SOX6: variants seen among roughly 807,000 people sequenced by gnomAD.
SOX6 encodes the protein transcription factor SOX-6.
In SOX6, 11 loss-of-function variants were observed where a neutral mutation model predicts 97.8. The ratio of observed to expected loss-of-function variants is 0.11; its 90% confidence interval spans 0.07 to 0.19. SOX6 has a LOEUF of 0.19. Ranked by LOEUF, SOX6 falls within the 10% of genes least tolerant of loss-of-function variation. SOX6 has a pLI of 1.00. For missense variants in SOX6, 810 were observed against 1,039.5 expected (o/e 0.78, Z 3.04); for synonymous variants, 360 against 371.4 (o/e 0.97, Z 0.35).
intron 2 of SOX6, among the ~76,000 whole-genome samples, chr11:16,724,577 G>A (rs1848292408): frequency 6.6e-6 from 1 of 152,078 alleles, no homozygotes; most frequent in South Asian, 2.1e-4. Flanking sequence ...GAACTCATCA[G>A]AGACCTACTA....
chr11:16,656,706 T>C (rs1847721032), intron 3 of SOX6, among the ~76,000 whole-genome samples: 1 of 152,230 alleles, frequency 6.6e-6, no homozygotes, highest in Admixed American at 6.5e-5. Context: ...TTTTGTACTA[T>C]ATATCTGTTT....
intron 3 of SOX6, among the ~76,000 whole-genome samples, chr11:16,683,553 T>C (rs2134031404): frequency 6.6e-6 from 1 of 152,270 alleles, no homozygotes; most frequent in South Asian, 2.1e-4. Context: ...TGAAACTGGA[T>C]CCCTTCCTTG....
rs117683752 is a variant in SOX6, at chr11:16,047,264, G to A, written c.1436-563C>T. Among the ~76,000 whole-genome samples, 32 of 152,174 alleles carry A rather than the reference G, an allele frequency of 2.1e-4. 1 individual carries two copies. Among genetic ancestry groups the A allele is most frequent in the South Asian group, 1.2e-3 (6 of 4,824 alleles). Reference sequence around the variant, plus strand: ...AAAGAGGGGGCGGAAGGAATTCACCGTACTCTCCAGTACCCCAGTTGCTGG... The same window carrying A: ...AAAGAGGGGGCGGAAGGAATTCACCATACTCTCCAGTACCCCAGTTGCTGG... On this transcript the variant is annotated intron_variant, in intron 11 of 15. Coordinates refer to ENST00000683767, the MANE Select transcript of SOX6 (RefSeq NM_001367873.1).
At chr11:16,063,496 TTATA>T (rs66968164) in intron 9 of SOX6, among the ~76,000 whole-genome samples, 50 of 35,636 alleles carry the variant, frequency 1.4e-3, no homozygotes, top group South Asian at 1.7e-3. Context: ...TACCATAATT[TTATA>T]TATATATATA....
At chr11:16,107,395 G>GTA (rs199589880) in intron 7 of SOX6, among the ~76,000 whole-genome samples, 1,733 of 140,774 alleles carry the variant, frequency 0.012, 37 homozygotes, top group African/African-American at 0.045. Flanking sequence ...ACATATATAT[G>GTA]TATATATATG....
At chr11:16,594,162 C>G (rs2133974018) in intron 4 of SOX6, among the ~76,000 whole-genome samples, 1 of 152,238 alleles carries the variant, frequency 6.6e-6, no homozygotes, top group South Asian at 2.1e-4. Flanking sequence ...GAATATGAGT[C>G]TCTAAGTTCA....
At chr11:16,504,682 G>A (rs893366785) in intron 4 of SOX6, among the ~76,000 whole-genome samples, 13 of 151,178 alleles carry the variant, frequency 8.6e-5, no homozygotes, top group East Asian at 3.9e-4. Context: ...CCTGCCCCCC[G>A]CCCAAAATCT....
At chr11:16,537,057 G>A (rs183681626) in intron 4 of SOX6, among the ~76,000 whole-genome samples, 5 of 152,304 alleles carry the variant, frequency 3.3e-5, no homozygotes, top group South Asian at 4.1e-4. Flanking sequence ...AGTAGAGGCC[G>A]ACAGACACCT....
chr11:16,076,735 A>ATTT (rs1156737950), intron 9 of SOX6, among the ~76,000 whole-genome samples: 1,434 of 94,110 alleles, frequency 0.015, 220 homozygotes, highest in African/African-American at 0.068. Context: ...GGTACTACAC[A>ATTT]TTTTTTTTTT....
intron 12 of SOX6, among the ~76,000 whole-genome samples, chr11:16,042,534 T>C (rs1350699908): frequency 2.0e-5 from 3 of 152,210 alleles, no homozygotes; most frequent in East Asian, 3.8e-4. Flanking sequence ...GAATCTGGTA[T>C]TGTTCTATAA....
At chr11:16,455,664 C>A (rs1859798032) in intron 1 of SOX6, among the ~76,000 whole-genome samples, 1 of 151,974 alleles carries the variant, frequency 6.6e-6, no homozygotes, top group Admixed American at 6.6e-5. Context: ...TTTTTAGGCA[C>A]CCCCAAATTA....
chr11:16,643,249 G>A (rs1848953090), intron 3 of SOX6, among the ~76,000 whole-genome samples: 1 of 152,228 alleles, frequency 6.6e-6, no homozygotes, highest in African/African-American at 2.4e-5. Context: ...AACAGCAAAT[G>A]TTGCTGCCTG....
chr11:16,287,785 C>T (rs1411264230), intron 3 of SOX6, among the ~76,000 whole-genome samples: 2 of 152,032 alleles, frequency 1.3e-5, no homozygotes, highest in Non-Finnish European at 2.9e-5. Flanking sequence ...CTCATTTATA[C>T]AACAAAGTCA....
At position 15,986,193 on chromosome 11, in the gene SOX6, G is replaced by C. The variant is rs1590109634; in HGVS notation, c.2183+11C>G. The C allele has an allele frequency of 3.1e-6, 5 of 1,613,418 alleles. No homozygotes were observed. In the East Asian group the frequency reaches 1.1e-4, roughly 36 times the overall value. On this transcript the variant is annotated intron_variant, in intron 15 of 15. Coordinates refer to ENST00000683767, the MANE Select transcript of SOX6 (RefSeq NM_001367873.1). ...AGTAAAGCCCAGGTGGCTAAATTCAGGAATACTTACCCCACAGTAAAGAAC... is the reference window on the plus strand; with the variant it reads ...AGTAAAGCCCAGGTGGCTAAATTCACGAATACTTACCCCACAGTAAAGAAC...
chr11:16,213,384 T>A (rs1166406505), intron 4 of SOX6, among the ~76,000 whole-genome samples: 2 of 152,162 alleles, frequency 1.3e-5, no homozygotes, highest in Non-Finnish European at 2.9e-5. Flanking sequence ...ACCCTGTCTT[T>A]CCCTGTATAT....
chr11:16,727,359 A>G (rs1436544875), intron 2 of SOX6, among the ~76,000 whole-genome samples: 4 of 135,864 alleles, frequency 2.9e-5, no homozygotes, highest in African/African-American at 8.4e-5. Flanking sequence ...CTTTCTTTTC[A>G]ATGGCTACAT....
intron 12 of SOX6, among the ~76,000 whole-genome samples, chr11:16,037,726 T>A (rs754770886): frequency 9.9e-5 from 15 of 152,194 alleles, no homozygotes; most frequent in Non-Finnish European, 1.0e-4. Context: ...CTCTCTTCAC[T>A]CTTGCACATC....
chr11:16,444,941 T>A (rs1250484166), intron 1 of SOX6, among the ~76,000 whole-genome samples: 3 of 152,224 alleles, frequency 2.0e-5, no homozygotes, highest in Non-Finnish European at 2.9e-5. Flanking sequence ...CATGGTTAGA[T>A]GTAAAACTCA....
chr11:16,031,871 G>A (rs952056773), intron 12 of SOX6, among the ~76,000 whole-genome samples: 1 of 152,122 alleles, frequency 6.6e-6, no homozygotes, highest in Non-Finnish European at 1.5e-5. Context: ...ACAAAGAAGT[G>A]TGGACCGAGG....
Sources: allele counts gnomAD v4.1 joint callset (sites outside exome capture counted in the v4.1 genomes callset), GRCh38; gene constraint gnomAD v4.1.1; transcripts MANE v1.5; gene names NCBI Gene and HGNC (gene_info 2026-07-23, HGNC 2026-07-21).